Variants in DPYD observed in about 807,000 individuals in gnomAD.
DPYD encodes the protein dihydropyrimidine dehydrogenase [NADP(+)].
Under a neutral mutation model 116.2 loss-of-function variants are expected in DPYD, and 109 were observed. The ratio of observed to expected loss-of-function variants is 0.94; its 90% confidence interval spans 0.80 to 1.10. The LOEUF (loss-of-function observed/expected upper bound fraction) is 1.10. Ranked by LOEUF, DPYD falls within the 50% of genes least tolerant of loss-of-function variation. The pLI, the probability that DPYD is intolerant of heterozygous loss-of-function variation, is 0.00. For missense variants in DPYD, 1,302 were observed against 1,254.5 expected (o/e 1.04, Z -0.57); for synonymous variants, 440 against 432.0 (o/e 1.02, Z -0.23).
intron 13 of DPYD, among the ~76,000 whole-genome samples, chr1:97,489,693 C>T (rs1386041518): frequency 6.6e-6 from 1 of 152,162 alleles, no homozygotes; most frequent in Non-Finnish European, 1.5e-5. Context: ...AGTTTTACTT[C>T]TGTTACATGC....
intron 18 of DPYD, among the ~76,000 whole-genome samples, chr1:97,272,716 G>A (rs964480073): frequency 6.6e-6 from 1 of 152,018 alleles, no homozygotes; most frequent in Admixed American, 6.6e-5. Flanking sequence ...CTCAGTTCAA[G>A]CTTTTTTTCT....
rs1171984592 is a variant in DPYD at position 97,244,441 on chromosome 1, A to G, written c.2300-9447T>C. 2.0e-5 allele frequency among the ~76,000 whole-genome samples: 3 copies of G among 152,050 alleles called. 1 individual carries two copies. The highest frequency in any genetic ancestry group is 4.4e-5 in the Non-Finnish European group (3 of 67,950). Reference sequence around the variant, plus strand: ...AGTGAGCACATTCTTCAATATGGCCAGAGAGGACATTCAGATTTAGAAAGA... The same window carrying G: ...AGTGAGCACATTCTTCAATATGGCCGGAGAGGACATTCAGATTTAGAAAGA... On this transcript the variant is annotated intron_variant, in intron 18 of 22. Coordinates refer to ENST00000370192, the MANE Select transcript of DPYD (RefSeq NM_000110.4).
chr1:97,292,545 T>C (rs963710804), intron 18 of DPYD, among the ~76,000 whole-genome samples: 1 of 152,118 alleles, frequency 6.6e-6, no homozygotes, highest in Non-Finnish European at 1.5e-5. Flanking sequence ...CATGTGGGGA[T>C]TATGAGAACT....
At chr1:97,783,005 A>G (rs1365492831) in intron 3 of DPYD, among the ~76,000 whole-genome samples, 1 of 152,194 alleles carries the variant, frequency 6.6e-6, no homozygotes, top group Admixed American at 6.5e-5. Context: ...AGCATGGGGT[A>G]GGAGTGTGTT....
chr1:97,387,221 G>C (rs1672398025), intron 14 of DPYD, among the ~76,000 whole-genome samples: 1 of 152,034 alleles, frequency 6.6e-6, no homozygotes, highest in African/African-American at 2.4e-5. Flanking sequence ...TACAGTTTAT[G>C]TTACACAGTC....
chr1:97,256,923 A>C (rs1663516954), intron 18 of DPYD, among the ~76,000 whole-genome samples: 1 of 152,002 alleles, frequency 6.6e-6, no homozygotes, highest in South Asian at 2.1e-4. Context: ...ACCAGACTTT[A>C]AAATATCTAC....
chr1:97,485,648 T>C (rs1390950631), intron 13 of DPYD, among the ~76,000 whole-genome samples: 1 of 152,228 alleles, frequency 6.6e-6, no homozygotes, highest in Non-Finnish European at 1.5e-5. Context: ...TTTTGATTTC[T>C]AGATTTATTT....
chr1:97,787,941 C>T (rs755972557), intron 3 of DPYD, among the ~76,000 whole-genome samples: 11 of 152,104 alleles, frequency 7.2e-5, no homozygotes, highest in Admixed American at 1.3e-4. Context: ...AAAAATCACA[C>T]GGTAGTAGAG....
intron 13 of DPYD, among the ~76,000 whole-genome samples, chr1:97,450,627 A>G (rs1676362898): frequency 6.6e-6 from 1 of 152,018 alleles, no homozygotes; most frequent in African/African-American, 2.4e-5. Context: ...ATAAGAATTA[A>G]TGTTAGTAAA....
chr1:97,310,234 G>A (rs532456273), intron 16 of DPYD, among the ~76,000 whole-genome samples: 60 of 151,698 alleles, frequency 4.0e-4, no homozygotes, highest in Non-Finnish European at 7.2e-4. Context: ...CATATGACAT[G>A]CCAAGAGGTG....
At chr1:97,168,973 G>A (rs1176111139) in intron 20 of DPYD, among the ~76,000 whole-genome samples, 1 of 151,438 alleles carries the variant, frequency 6.6e-6, no homozygotes. Context: ...CAGTCTCTTG[G>A]GTAGCTGGGA....
At chr1:97,796,198 T>C (rs1015145329) in intron 3 of DPYD, among the ~76,000 whole-genome samples, 9 of 152,100 alleles carry the variant, frequency 5.9e-5, no homozygotes, top group African/African-American at 2.2e-4. Context: ...TCTCTTTTAA[T>C]CCACATACCA....
At chr1:97,745,253 T>G (rs979332077) in intron 3 of DPYD, among the ~76,000 whole-genome samples, 1 of 152,112 alleles carries the variant, frequency 6.6e-6, no homozygotes, top group African/African-American at 2.4e-5. Context: ...TGAAAATAAC[T>G]GAATTTTTAA....
chr1:97,254,508 A>G (rs558295512), intron 18 of DPYD, among the ~76,000 whole-genome samples: 5 of 152,292 alleles, frequency 3.3e-5, no homozygotes, highest in East Asian at 1.9e-4. Flanking sequence ...CTTATGTACC[A>G]TCAAATTACC....
chr1:97,230,341 G>A (rs1661499998), intron 19 of DPYD, among the ~76,000 whole-genome samples: 1 of 152,168 alleles, frequency 6.6e-6, no homozygotes, highest in Admixed American at 6.5e-5. Context: ...CAGGGACCTG[G>A]AGGGAGCTGG....
At chr1:97,367,805 C>T (rs758326771) in intron 16 of DPYD, among the ~76,000 whole-genome samples, 12 of 152,080 alleles carry the variant, frequency 7.9e-5, no homozygotes, top group East Asian at 1.9e-4. Context: ...TGGAATCCAT[C>T]GAGGGCTAGG....
At chr1:97,543,404 C>T (rs999827689) in intron 12 of DPYD, among the ~76,000 whole-genome samples, 10 of 152,156 alleles carry the variant, frequency 6.6e-5, no homozygotes, top group African/African-American at 2.4e-4. Context: ...AGAGAAATTG[C>T]CTCCACTTTC....
At chr1:97,877,716 G>C (rs1671995513) in intron 2 of DPYD, among the ~76,000 whole-genome samples, 1 of 152,020 alleles carries the variant, frequency 6.6e-6, no homozygotes, top group Admixed American at 6.6e-5. Context: ...AACAGGTATT[G>C]CTTTCTTACT....
At chr1:97,755,769 T>A (rs544427686) in intron 3 of DPYD, among the ~76,000 whole-genome samples, 2 of 152,300 alleles carry the variant, frequency 1.3e-5, no homozygotes, top group East Asian at 1.9e-4. Context: ...AGTTTCCTCA[T>A]CTAAATTGCT....
Sources: allele counts gnomAD v4.1 joint callset (sites outside exome capture counted in the v4.1 genomes callset), GRCh38; gene constraint gnomAD v4.1.1; transcripts MANE v1.5; gene names NCBI Gene and HGNC (gene_info 2026-07-23, HGNC 2026-07-21).